The following SGCD variants were observed in gnomAD, a reference collection of about 807,000 sequenced individuals.
SGCD encodes sarcoglycan delta.
In SGCD, 18 loss-of-function variants were observed where a neutral mutation model predicts 36.6. The observed-to-expected ratio is 0.49, with a 90% confidence interval of 0.34 to 0.73. SGCD has a LOEUF of 0.73. Ranked by LOEUF, SGCD falls within the 30% of genes least tolerant of loss-of-function variation. The probability of loss-of-function intolerance (pLI) is 0.01; values close to 1 mark genes in which losing one functional copy is unlikely to be tolerated. For synonymous variants in SGCD, 133 were observed against 130.6 expected, an observed-to-expected ratio of 1.02 and a Z score of -0.12; for missense variants, 387 against 346.7, an observed-to-expected ratio of 1.12 and a Z score of -0.92.
intron 7 of SGCD, among the ~76,000 whole-genome samples, chr5:156,753,831 A>T (rs1472566296): frequency 1.3e-5 from 2 of 152,148 alleles, no homozygotes; most frequent in Non-Finnish European, 2.9e-5. Context: ...CTCCCATGAC[A>T]CGTGGGGATT....
chr5:156,515,820 C>G (rs527906249), intron 4 of SGCD, among the ~76,000 whole-genome samples: 3 of 152,220 alleles, frequency 2.0e-5, no homozygotes, highest in Admixed American at 2.0e-4. Flanking sequence ...GTGCCCCAGC[C>G]GTTTTCCCCT....
intron 6 of SGCD, among the ~76,000 whole-genome samples, chr5:156,628,587 T>C (rs185240882): frequency 2.0e-4 from 30 of 152,360 alleles, no homozygotes; most frequent in Non-Finnish European, 3.4e-4. Context: ...GTCACTGGGA[T>C]CTGCCATCCT....
chr5:156,155,206 A>G (rs564095228), intron 3 of SGCD, among the ~76,000 whole-genome samples: 1 of 151,642 alleles, frequency 6.6e-6, no homozygotes, highest in East Asian at 1.9e-4. Context: ...CTATCTATCT[A>G]TCTATCCGTC....
intron 1 of SGCD, among the ~76,000 whole-genome samples, chr5:155,915,990 G>A (rs1219110504): frequency 6.6e-6 from 1 of 152,184 alleles, no homozygotes; most frequent in African/African-American, 2.4e-5. Context: ...TCATAGATAT[G>A]TAGGAGAAAA....
chr5:155,872,684 A>G (rs1387754575), intron 1 of SGCD, among the ~76,000 whole-genome samples: 2 of 152,136 alleles, frequency 1.3e-5, no homozygotes, highest in Non-Finnish European at 2.9e-5. Context: ...CTTCACTGAG[A>G]ACCATAGAAT....
intron 3 of SGCD, among the ~76,000 whole-genome samples, chr5:156,402,544 G>T (rs1306287125): frequency 6.6e-6 from 1 of 152,176 alleles, no homozygotes; most frequent in Non-Finnish European, 1.5e-5. Flanking sequence ...TCAGAAGGGG[G>T]TGGGAAGAGG....
intron 6 of SGCD, among the ~76,000 whole-genome samples, chr5:156,607,481 C>T (rs1281145218): frequency 6.6e-6 from 1 of 152,184 alleles, no homozygotes; most frequent in African/African-American, 2.4e-5. Flanking sequence ...CATCGATGTT[C>T]ATCAGGGATA....
chr5:156,338,390 A>T (rs1295479861), intron 2 of SGCD, among the ~76,000 whole-genome samples: 1 of 152,214 alleles, frequency 6.6e-6, no homozygotes. Context: ...CCAGCTGTGG[A>T]TGCTCCTGAC....
At chr5:155,904,010 G>A (rs756503429) in intron 1 of SGCD, among the ~76,000 whole-genome samples, 12 of 152,098 alleles carry the variant, frequency 7.9e-5, no homozygotes, top group Non-Finnish European at 1.3e-4. Flanking sequence ...GGAGAGGTCC[G>A]GAGTATTCCC....
intron 7 of SGCD, among the ~76,000 whole-genome samples, chr5:156,674,650 C>G (rs768164232): frequency 1.3e-5 from 2 of 152,256 alleles, no homozygotes; most frequent in Non-Finnish European, 2.9e-5. Flanking sequence ...CAGGTCTGCT[C>G]TCATATGAAG....
chr5:156,111,125 T>C (rs915003087), intron 1 of SGCD, among the ~76,000 whole-genome samples: 3 of 152,198 alleles, frequency 2.0e-5, no homozygotes, highest in Non-Finnish European at 1.5e-5. Flanking sequence ...GAGGAGGTGC[T>C]CAGAGAAAGT....
chr5:155,930,389 G>A (rs570392067), intron 1 of SGCD, among the ~76,000 whole-genome samples: 1 of 152,278 alleles, frequency 6.6e-6, no homozygotes, highest in African/African-American at 2.4e-5. Flanking sequence ...CTAATCCATT[G>A]AGCATACTGT....
intron 6 of SGCD, among the ~76,000 whole-genome samples, chr5:156,623,810 C>T (rs1176554100): frequency 2.0e-5 from 3 of 152,190 alleles, no homozygotes; most frequent in Non-Finnish European, 4.4e-5. Context: ...AGGAAAATGA[C>T]TTTCTCTCTT....
intron 6 of SGCD, among the ~76,000 whole-genome samples, chr5:156,636,898 T>C (rs1202162401): frequency 6.6e-6 from 1 of 152,156 alleles, no homozygotes; most frequent in Non-Finnish European, 1.5e-5. Flanking sequence ...GGTATTAAAC[T>C]TTAGGCAGAT....
chr5:156,621,802 A>G (rs984106060), intron 6 of SGCD, among the ~76,000 whole-genome samples: 1 of 152,192 alleles, frequency 6.6e-6, no homozygotes, highest in Non-Finnish European at 1.5e-5. Flanking sequence ...GAGGGAAGAG[A>G]TCTTTATTTT....
At chr5:156,725,563 C>T (rs1471354062) in intron 7 of SGCD, among the ~76,000 whole-genome samples, 2 of 152,126 alleles carry the variant, frequency 1.3e-5, no homozygotes, top group African/African-American at 2.4e-5. Context: ...ACAGATGATC[C>T]CTTTCTCTGG....
At chr5:156,729,617 C>T (rs1424001137) in intron 7 of SGCD, among the ~76,000 whole-genome samples, 1 of 152,218 alleles carries the variant, frequency 6.6e-6, no homozygotes, top group Non-Finnish European at 1.5e-5. Flanking sequence ...CAGTGTCTTA[C>T]TGCCTGATCT....
chr5:155,984,706 C>T (rs1047821270), intron 1 of SGCD, among the ~76,000 whole-genome samples: 3 of 152,114 alleles, frequency 2.0e-5, no homozygotes, highest in African/African-American at 7.2e-5. Flanking sequence ...TATGTCCCAC[C>T]TATGTGTACT....
At chr5:156,210,996 A>G (rs916040689) in intron 3 of SGCD, among the ~76,000 whole-genome samples, 2 of 152,320 alleles carry the variant, frequency 1.3e-5, no homozygotes, top group African/African-American at 4.8e-5. Flanking sequence ...ACACCAAGAC[A>G]TATTATAATT....
Sources: gnomAD v4.1 joint callset for allele counts (sites outside exome capture counted in the v4.1 genomes callset) on GRCh38, gnomAD v4.1.1 for gene constraint, MANE v1.5 for transcripts, NCBI Gene and HGNC (gene_info 2026-07-23, HGNC 2026-07-21) for gene names.